The following RABEP1 variants were observed in gnomAD, a reference collection of about 807,000 sequenced individuals.
RABEP1 encodes rab GTPase-binding effector protein 1.
Under a neutral mutation model 123.4 loss-of-function variants are expected in RABEP1, and 51 were observed. The observed-to-expected ratio is 0.41, with a 90% confidence interval of 0.33 to 0.52. RABEP1 has a LOEUF of 0.52. RABEP1 is among the 20% of genes least tolerant of loss of function. The pLI is 0.16. For missense variants in RABEP1, 888 were observed against 996.3 expected (o/e 0.89, Z 1.46); for synonymous variants, 347 against 355.2 (o/e 0.98, Z 0.26).
intron 2 of RABEP1, among the ~76,000 whole-genome samples, chr17:5,323,660 C>G: frequency 7.0e-6 from 1 of 143,730 alleles, no homozygotes; most frequent in Admixed American, 7.2e-5. Flanking sequence ...GTGTCCTCTT[C>G]AATTTCTTTC....
At chr17:5,318,004 G>A (rs1364504824) in intron 2 of RABEP1, among the ~76,000 whole-genome samples, 1 of 152,186 alleles carries the variant, frequency 6.6e-6, no homozygotes, top group Non-Finnish European at 1.5e-5. Flanking sequence ...GAAGCTCCAT[G>A]CTCCTTCCCA....
Position 5,354,402 on chromosome 17 carries a change from A to G in RABEP1, c.1007A>G (p.Lys336Arg), listed in dbSNP as rs748575023. Residue 336 changes from lysine to arginine, a missense_variant, in exon 8 of 18, where the codon AAA (lysine) becomes AGA (arginine). Physicochemically the swap from Lys to Arg is conservative, Grantham distance 26. Transcript: ENST00000537505. ...QQRLNKRKDH[K>R]KADVEEEIKI... ...AGACTCAATAAGAGAAAGGATCACA[A>G]AAAAGCAGATGTTGAGGAAGAAATA... 6.2e-6 allele frequency: 10 copies of G among 1,613,190 alleles called. No individual in the cohort carries two copies. Among genetic ancestry groups the G allele is most frequent in the Admixed American group, 1.7e-5 (1 of 59,950 alleles).
At chr17:5,369,293 G>C (rs1047954579) in intron 12 of RABEP1, among the ~76,000 whole-genome samples, 3 of 152,158 alleles carry the variant, frequency 2.0e-5, no homozygotes, top group African/African-American at 7.2e-5. Flanking sequence ...CTCCTCACTA[G>C]TCTGGCTGCA....
At chr17:5,301,334 C>T (rs1260037342) in intron 1 of RABEP1, among the ~76,000 whole-genome samples, 1 of 152,076 alleles carries the variant, frequency 6.6e-6, no homozygotes, top group Non-Finnish European at 1.5e-5. Context: ...TGCCTGCATT[C>T]TGGTTTTAAG....
intron 6 of RABEP1, among the ~76,000 whole-genome samples, chr17:5,347,684 G>T (rs1032327594): frequency 2.0e-5 from 3 of 152,062 alleles, no homozygotes; most frequent in Admixed American, 2.0e-4. Context: ...TATTTTCCAG[G>T]GGTACATTCT....
In RABEP1 at chr17:5,308,742, T is replaced by G; in HGVS notation, c.83T>G (p.Phe28Cys). 1 of 1,613,006 alleles carries G rather than the reference T, an allele frequency of 6.2e-7. No homozygotes were observed. Among genetic ancestry groups the G allele is most frequent in the Non-Finnish European group, 8.5e-7 (1 of 1,179,520 alleles). ...GAATTGGAAAAAATTAATGCAGAATTTTTACGTGCACAACAGCAGCTTGAA... is the reference window on the plus strand; with the variant it reads ...GAATTGGAAAAAATTAATGCAGAATGTTTACGTGCACAACAGCAGCTTGAA... ...VAELEKINAE[F>C]LRAQQQLEQE... Residue 28 changes from phenylalanine (F) to cysteine (C), a missense_variant, in exon 2 of 18, where the codon TTT becomes TGT. Coordinates refer to ENST00000537505, the MANE Select transcript of RABEP1 (RefSeq NM_004703.6).
At chr17:5,323,261 A>T (rs1905565081) in intron 2 of RABEP1, among the ~76,000 whole-genome samples, 2 of 152,200 alleles carry the variant, frequency 1.3e-5, no homozygotes, top group Admixed American at 6.5e-5. Flanking sequence ...ATCATACTGG[A>T]TGGGGAAGAG....
At chr17:5,342,632 C>T (rs1907714647) in intron 5 of RABEP1, among the ~76,000 whole-genome samples, 1 of 152,178 alleles carries the variant, frequency 6.6e-6, no homozygotes, top group South Asian at 2.1e-4. Flanking sequence ...ATAAAGTAGA[C>T]ATTGTATCCC....
intron 6 of RABEP1, among the ~76,000 whole-genome samples, chr17:5,348,513 T>C (rs965068566): frequency 6.6e-6 from 1 of 152,168 alleles, no homozygotes; most frequent in Admixed American, 6.5e-5. Context: ...GCTAAGAATA[T>C]TGGACTTGAT....
intron 1 of RABEP1, among the ~76,000 whole-genome samples, chr17:5,285,979 G>A (rs938441926): frequency 2.6e-5 from 4 of 152,154 alleles, no homozygotes; most frequent in Non-Finnish European, 5.9e-5. Flanking sequence ...GGATGTCCTT[G>A]TGCATATTTT....
intron 1 of RABEP1, among the ~76,000 whole-genome samples, chr17:5,289,974 C>T (rs1191600445): frequency 1.3e-5 from 2 of 152,156 alleles, no homozygotes; most frequent in Non-Finnish European, 2.9e-5. Context: ...GCTTTTGAAT[C>T]TTAAGGGCTC....
At chr17:5,340,381 T>G (rs528228768) in intron 5 of RABEP1, among the ~76,000 whole-genome samples, 1 of 152,302 alleles carries the variant, frequency 6.6e-6, no homozygotes, top group South Asian at 2.1e-4. Flanking sequence ...AATTAATCCC[T>G]ATAGTAGCCA....
chr17:5,360,812 G>A (rs1456115129), intron 8 of RABEP1, among the ~76,000 whole-genome samples: 1 of 152,112 alleles, frequency 6.6e-6, no homozygotes, highest in East Asian at 1.9e-4. Flanking sequence ...TTCATGATAG[G>A]CACCTCGCGC....
chr17:5,356,027 G>A (rs1049905306), intron 8 of RABEP1, among the ~76,000 whole-genome samples: 1 of 152,170 alleles, frequency 6.6e-6, no homozygotes, highest in Non-Finnish European at 1.5e-5. Context: ...TTACAGAGAA[G>A]TATTTTTATT....
chr17:5,369,330 T>TTGGAGCCTACATC, intron 12 of RABEP1, among the ~76,000 whole-genome samples: 1 of 152,224 alleles, frequency 6.6e-6, no homozygotes, highest in Non-Finnish European at 1.5e-5. Context: ...TTTCTCAAAG[T>TTGGAGCCTACATC]TGGAGCCTAC....
intron 2 of RABEP1, among the ~76,000 whole-genome samples, chr17:5,318,343 A>C (rs139591109): frequency 2.0e-5 from 3 of 152,280 alleles, no homozygotes; most frequent in South Asian, 2.1e-4. Context: ...AAAATTACTG[A>C]TTGGTTACTG....
At position 5,385,862 on chromosome 17, in the gene RABEP1, C is replaced by T; in HGVS notation, c.*2639C>T. 2 of 277,970 alleles carry T rather than the reference C, an allele frequency of 7.2e-6. No individual in the cohort carries two copies. The highest frequency in any genetic ancestry group is 5.2e-5 in the Admixed American group (1 of 19,372). The allele number at this position is 277,970 out of a possible 1,614,324, so 17.2% of individuals were successfully genotyped here. ...CTAGGGTTCTATCCCTCTTCAGAGTCATGTTTCTGGTGCTGCTACTTTAAA... is the reference window on the plus strand; with the variant it reads ...CTAGGGTTCTATCCCTCTTCAGAGTTATGTTTCTGGTGCTGCTACTTTAAA... On this transcript the variant is annotated 3_prime_UTR_variant, in exon 18 of 18. Coordinates refer to ENST00000537505, the MANE Select transcript of RABEP1 (RefSeq NM_004703.6).
intron 1 of RABEP1, among the ~76,000 whole-genome samples, chr17:5,307,028 C>T (rs2075185276): frequency 6.6e-6 from 1 of 151,968 alleles, no homozygotes; most frequent in Non-Finnish European, 1.5e-5. Context: ...CTTTGAGAAG[C>T]TTATGGAAGG....
At chr17:5,358,169 G>A (rs933294382) in intron 8 of RABEP1, among the ~76,000 whole-genome samples, 2 of 152,094 alleles carry the variant, frequency 1.3e-5, no homozygotes, top group South Asian at 2.1e-4. Context: ...AGCCAGCAAG[G>A]CCTCCAGTAA....
Sources: gnomAD v4.1 joint callset for allele counts (sites outside exome capture counted in the v4.1 genomes callset) on GRCh38, gnomAD v4.1.1 for gene constraint, MANE v1.5 for transcripts, NCBI Gene and HGNC (gene_info 2026-07-23, HGNC 2026-07-21) for gene names.